ANKRD12: variants seen among roughly 807,000 people sequenced by gnomAD.
ANKRD12 encodes ankyrin repeat domain-containing protein 12.
A neutral mutation model predicts 183.4 loss-of-function variants in ANKRD12; 85 were observed. That is an observed-to-expected ratio of 0.46 (90% CI 0.39 to 0.56). The LOEUF (loss-of-function observed/expected upper bound fraction) is 0.56. Among genes scored for constraint, ANKRD12 ranks in the 20% least tolerant of loss-of-function variants. ANKRD12 has a pLI of 0.00. For missense variants in ANKRD12, 2,405 were observed against 2,357.1 expected (o/e 1.02, Z -0.42); for synonymous variants, 914 against 800.2 (o/e 1.14, Z -2.40).
chr18:9,265,161 A>G (rs1445690453), intron 10 of ANKRD12, among the ~76,000 whole-genome samples: 1 of 152,250 alleles, frequency 6.6e-6, no homozygotes, highest in South Asian at 2.1e-4. Context: ...CTGCAGCTCA[A>G]GGAGGCCTGC....
intron 7 of ANKRD12, 128 bp from the exon 8 acceptor site, chr18:9,221,724 A>T: frequency 1.1e-6 from 1 of 870,044 alleles, no homozygotes; most frequent in South Asian, 2.1e-5. Context: ...TTTAGAGTAG[A>T]TGGTGAGGAA....
intron 1 of ANKRD12, among the ~76,000 whole-genome samples, chr18:9,140,862 CTT>C (rs2143309033): frequency 6.6e-6 from 1 of 152,176 alleles, no homozygotes; most frequent in Admixed American, 6.5e-5. Context: ...TTGCTGAACA[CTT>C]AGAATATGCA....
intron 1 of ANKRD12, among the ~76,000 whole-genome samples, chr18:9,166,974 A>T (rs2032138358): frequency 6.6e-6 from 1 of 152,166 alleles, no homozygotes; most frequent in South Asian, 2.1e-4. Flanking sequence ...TAAATAGGGA[A>T]TCCTTTCCCC....
intron 2 of ANKRD12, among the ~76,000 whole-genome samples, chr18:9,184,347 C>G (rs1202790800): frequency 6.6e-6 from 1 of 152,048 alleles, no homozygotes. Flanking sequence ...GCCATGGTTT[C>G]TGTCAGTCTT....
Position 9,258,673 on chromosome 18 carries a change from A to G in ANKRD12, c.5406A>G (p.Leu1802=). ...VPQPVQVSPS[L]LQAKEKTQQS... is the part of the protein sequence containing the mutation. Reference sequence around the variant, plus strand: ...AGCCTGTGCAAGTGAGTCCCTCTTTACTACAAGCAAAAGAGAAAACTCAGC... The same window carrying G: ...AGCCTGTGCAAGTGAGTCCCTCTTTGCTACAAGCAAAAGAGAAAACTCAGC... The change falls in exon 9 of 13, where the codon TTA becomes TTG. Residue 1802 remains leucine, a synonymous_variant. Transcript: ENST00000262126. 3 of 1,613,974 alleles carry G rather than the reference A, an allele frequency of 1.9e-6. No homozygotes were observed. Among genetic ancestry groups the G allele is most frequent in the African/African-American group, 1.3e-5 (1 of 75,046 alleles).
At chr18:9,187,826 G>C (rs998438073) in intron 2 of ANKRD12, among the ~76,000 whole-genome samples, 8 of 152,074 alleles carry the variant, frequency 5.3e-5, no homozygotes, top group Non-Finnish European at 5.9e-5. Flanking sequence ...TGTGAGAGAG[G>C]GGATATTAAT....
chr18:9,261,353 C>T (rs1213749726), intron 9 of ANKRD12, among the ~76,000 whole-genome samples: 2 of 152,214 alleles, frequency 1.3e-5, no homozygotes, highest in Non-Finnish European at 2.9e-5. Flanking sequence ...CACTGCAGAA[C>T]TTACCAGAAC....
intron 6 of ANKRD12, among the ~76,000 whole-genome samples, chr18:9,212,952 A>G (rs576790657): frequency 1.3e-5 from 2 of 151,984 alleles, no homozygotes; most frequent in Non-Finnish European, 2.9e-5. Context: ...TTAATCTACA[A>G]GAGCCTTTAT....
chr18:9,162,515 A>G (rs1412062501), intron 1 of ANKRD12, among the ~76,000 whole-genome samples: 2 of 152,134 alleles, frequency 1.3e-5, no homozygotes, highest in Non-Finnish European at 2.9e-5. Context: ...GAAGATACAC[A>G]TGCATGTATC....
rs759417506 is a variant in ANKRD12, at chr18:9,258,522, C to G, written c.5255C>G (p.Ala1752Gly). 2 of 1,613,702 alleles carry G rather than the reference C, an allele frequency of 1.2e-6. No individual in the cohort carries two copies. Residue 1752 changes from alanine (A) to glycine (G), a missense_variant, in exon 9 of 13, where the codon GCT (alanine) becomes GGT (glycine). Around this residue, in one of 7 missense-constraint regions of ANKRD12, gnomAD observed 1,983 missense variants for 1,725.9 expected, o/e 1.15. Transcript: ENST00000262126. ...TMANQSKQIL[A>G]SCTLLSEKDS... ...GCAAATCAAAGCAAACAGATTCTTG[C>G]TAGCTGTACACTATTATCAGAAAAA...
chr18:9,173,620 G>T (rs1598452697), intron 1 of ANKRD12, among the ~76,000 whole-genome samples: 1 of 142,794 alleles, frequency 7.0e-6, no homozygotes, highest in African/African-American at 2.6e-5. Flanking sequence ...GGGTGGTGGG[G>T]GGGGGGTAGG....
Position 9,258,082 on chromosome 18 carries a change from A to G in ANKRD12, c.4815A>G (p.Ala1605=). Residue 1605 remains alanine, a synonymous_variant, in exon 9 of 13, where the codon GCA becomes GCG. Coordinates refer to ENST00000262126, the MANE Select transcript of ANKRD12 (RefSeq NM_015208.5). ...DASTQLNTHY[A]FSKLTYKSSS... is the part of the protein sequence containing the mutation. ...CTACCCAGCTAAATACACATTATGC[A>G]TTTAGCAAACTAACTTACAAGTCTT... is the stretch of plus-strand genomic sequence containing the variant. The G allele has an allele frequency of 1.2e-6, 2 of 1,613,368 alleles. No individual in the cohort carries two copies. The highest frequency in any genetic ancestry group is 1.7e-6 in the Non-Finnish European group (2 of 1,179,968).
intron 1 of ANKRD12, among the ~76,000 whole-genome samples, chr18:9,155,187 TAGAA>T (rs1012391735): frequency 1.3e-5 from 2 of 152,164 alleles, no homozygotes; most frequent in African/African-American, 2.4e-5. Context: ...GTACAAAAAG[TAGAA>T]AGAATCAATA....
chr18:9,182,700 G>T (rs1300153557), intron 2 of ANKRD12, among the ~76,000 whole-genome samples, 181 bp downstream of exon 2: 1 of 152,088 alleles, frequency 6.6e-6, no homozygotes, highest in African/African-American at 2.4e-5. Flanking sequence ...CATTCCTTAA[G>T]GTGAACACAC....
chr18:9,247,233 C>G (rs2038013594), intron 8 of ANKRD12, among the ~76,000 whole-genome samples: 1 of 151,374 alleles, frequency 6.6e-6, no homozygotes, highest in Non-Finnish European at 1.5e-5. Context: ...AATCCCAACA[C>G]TTTAGTAGGC....
chr18:9,163,081 A>G lies in ANKRD12; in HGVS notation c.-51-19301A>G, dbSNP rs139893190. Among the ~76,000 whole-genome samples the G allele has an allele frequency of 1.2e-3, 188 of 152,140 alleles. 1 individual carries two copies. The highest frequency in any genetic ancestry group is 4.4e-3 in the African/African-American group (181 of 41,528). ...TTTGTCAATTTTTGCTTTTGTTGCA[A>G]TTGTTTTTGGCGTTTTCATTGTGAA... On this transcript the variant is annotated intron_variant, in intron 1 of 12. Coordinates refer to ENST00000262126, the MANE Select transcript of ANKRD12 (RefSeq NM_015208.5).
In ANKRD12 at chr18:9,209,592, G is replaced by A. The variant is rs188432996; in HGVS notation, c.451+789G>A. Among the ~76,000 whole-genome samples, 406 of 152,252 alleles carry A rather than the reference G, an allele frequency of 2.7e-3. 1 individual carries two copies. The highest frequency in any genetic ancestry group is 4.1e-3 in the South Asian group (20 of 4,832). ...AATATTATAATTTCAAAGCATGAGCGTATCTAATATCTGTCACTGCTAAAA... is the reference window on the plus strand; with the variant it reads ...AATATTATAATTTCAAAGCATGAGCATATCTAATATCTGTCACTGCTAAAA... On this transcript the variant is annotated intron_variant, in intron 5 of 12. Transcript: ENST00000262126.
chr18:9,168,034 A>G (rs989500686), intron 1 of ANKRD12, among the ~76,000 whole-genome samples: 2 of 152,176 alleles, frequency 1.3e-5, no homozygotes, highest in African/African-American at 4.8e-5. Context: ...TGATTTGCAT[A>G]TGTTGAACCA....
intron 8 of ANKRD12, among the ~76,000 whole-genome samples, chr18:9,231,219 A>G (rs1450732950): frequency 6.6e-6 from 1 of 152,160 alleles, no homozygotes; most frequent in African/African-American, 2.4e-5. Flanking sequence ...AAGAATGTGT[A>G]TTCTGCAGTT....
Sources: allele counts gnomAD v4.1 joint callset (sites outside exome capture counted in the v4.1 genomes callset), GRCh38; gene constraint gnomAD v4.1.1; regional missense constraint gnomAD v4.1.1; transcripts MANE v1.5; gene names NCBI Gene and HGNC (gene_info 2026-07-23, HGNC 2026-07-21).